The following FGGY variants were observed in gnomAD, a reference collection of about 807,000 sequenced individuals.
The protein encoded by FGGY is FGGY carbohydrate kinase domain containing.
FGGY carries 72 observed loss-of-function variants against 71.3 expected under a neutral mutation model. The ratio of observed to expected loss-of-function variants is 1.01; its 90% CI spans 0.84 to 1.23. FGGY has a LOEUF of 1.23. FGGY is among the 50% of genes most tolerant of loss of function. The pLI is 0.00. For synonymous variants in FGGY, 251 were observed against 250.3 expected (o/e 1.00, Z -0.02); for missense variants, 668 against 682.3 (o/e 0.98, Z 0.23).
chr1:59,585,571 A>G (rs1475993824), intron 8 of FGGY, among the ~76,000 whole-genome samples: 1 of 152,226 alleles, frequency 6.6e-6, no homozygotes, highest in Non-Finnish European at 1.5e-5. Flanking sequence ...AAAATCCTAG[A>G]AGAAAACCTA....
intron 14 of FGGY, among the ~76,000 whole-genome samples, chr1:59,747,230 A>T (rs1018667126): frequency 6.6e-6 from 1 of 152,226 alleles, no homozygotes; most frequent in African/African-American, 2.4e-5. Context: ...TGAGAAATCC[A>T]TAAGAAGTAA....
chr1:59,469,626 A>C (rs1410805686), intron 6 of FGGY, among the ~76,000 whole-genome samples: 1 of 152,062 alleles, frequency 6.6e-6, no homozygotes, highest in Non-Finnish European at 1.5e-5. Flanking sequence ...CAAGGGTAGA[A>C]GTGCAGTTTT....
intron 7 of FGGY, among the ~76,000 whole-genome samples, chr1:59,542,355 C>A (rs1159445681): frequency 6.6e-6 from 1 of 150,568 alleles, no homozygotes; most frequent in African/African-American, 2.4e-5. Flanking sequence ...GAATTGAATC[C>A]TTCTAAACAG....
chr1:59,603,473 G>C (rs866864864), intron 8 of FGGY, among the ~76,000 whole-genome samples: 6 of 152,290 alleles, frequency 3.9e-5, no homozygotes, highest in Middle Eastern at 6.8e-3. Context: ...ATTTCAAGGA[G>C]AGCTAACGTT....
At chr1:59,479,011 G>C (rs17483469) in intron 6 of FGGY, among the ~76,000 whole-genome samples, 1 of 152,174 alleles carries the variant, frequency 6.6e-6, no homozygotes, top group East Asian at 1.9e-4. Flanking sequence ...GATAAAAGTC[G>C]TACAGCAGCC....
Position 59,741,932 on chromosome 1 carries a change from C to G in FGGY, c.1513-15999C>G, listed in dbSNP as rs370590637. 2.0e-3 allele frequency among the ~76,000 whole-genome samples: 243 copies of G among 122,820 alleles called. 2 individuals carry two copies. Among genetic ancestry groups the G allele is most frequent in the African/African-American group, 6.9e-3 (230 of 33,244 alleles). The allele number at this position is 122,820 out of a possible 152,430, so 80.6% of individuals were successfully genotyped here. ...CCAGCCTGGGTGACAGAGTGAGACTCCATCTCAAAAAAAAAAAAAAAAAAA... is the reference window on the plus strand; with the variant it reads ...CCAGCCTGGGTGACAGAGTGAGACTGCATCTCAAAAAAAAAAAAAAAAAAA... On this transcript the variant is annotated intron_variant, in intron 14 of 15. Coordinates refer to ENST00000303721, the MANE Select transcript of FGGY (RefSeq NM_018291.5).
At chr1:59,559,749 G>A (rs549364959) in intron 8 of FGGY, among the ~76,000 whole-genome samples, 17 of 152,266 alleles carry the variant, frequency 1.1e-4, no homozygotes, top group Middle Eastern at 3.4e-3. Flanking sequence ...GTCACAGGGA[G>A]CCAACTGTGG....
intron 1 of FGGY, among the ~76,000 whole-genome samples, chr1:59,304,019 A>T (rs890563185): frequency 6.6e-6 from 1 of 152,010 alleles, no homozygotes; most frequent in African/African-American, 2.4e-5. Flanking sequence ...ATTTGTAAAT[A>T]TTTTCTCTTT....
intron 8 of FGGY, among the ~76,000 whole-genome samples, chr1:59,593,251 G>C (rs766558449): frequency 6.6e-6 from 1 of 152,174 alleles, no homozygotes; most frequent in Non-Finnish European, 1.5e-5. Flanking sequence ...TCCTTGAGAG[G>C]GTCCTCAGTG....
At chr1:59,463,683 GA>G (rs147453923) in intron 6 of FGGY, among the ~76,000 whole-genome samples, 3,557 of 131,876 alleles carry the variant, frequency 0.027, 115 homozygotes, top group African/African-American at 0.081. Context: ...CAAGCAAATG[GA>G]AAAAAAAAAA....
intron 10 of FGGY, among the ~76,000 whole-genome samples, chr1:59,634,570 G>A (rs2096938457): frequency 6.6e-6 from 1 of 152,084 alleles, no homozygotes; most frequent in African/African-American, 2.4e-5. Context: ...TGGGCAGCCT[G>A]TGAACCCATA....
intron 14 of FGGY, among the ~76,000 whole-genome samples, chr1:59,753,945 T>C (rs1375822199): frequency 6.6e-6 from 1 of 152,196 alleles, no homozygotes; most frequent in African/African-American, 2.4e-5. Flanking sequence ...TTGTGAGATG[T>C]AGCCAAAATT....
chr1:59,456,510 A>T (rs12093809), intron 5 of FGGY, among the ~76,000 whole-genome samples: 5,835 of 147,020 alleles, frequency 0.04, 374 homozygotes, highest in African/African-American at 0.14. Context: ...GTGCAGTGGC[A>T]CGATCTTGGC....
At chr1:59,428,364 T>A (rs1270695633) in intron 5 of FGGY, among the ~76,000 whole-genome samples, 1 of 152,162 alleles carries the variant, frequency 6.6e-6, no homozygotes, top group Non-Finnish European at 1.5e-5. Flanking sequence ...AGCTAATAGG[T>A]GATGGAGCTG....
chr1:59,673,449 G>T (rs1302106608), intron 13 of FGGY, among the ~76,000 whole-genome samples: 1 of 152,208 alleles, frequency 6.6e-6, no homozygotes, highest in Non-Finnish European at 1.5e-5. Flanking sequence ...GAGGATATCA[G>T]AGAGGGAGAA....
intron 8 of FGGY, among the ~76,000 whole-genome samples, chr1:59,564,274 A>G (rs1205655429): frequency 6.6e-6 from 1 of 152,168 alleles, no homozygotes; most frequent in Non-Finnish European, 1.5e-5. Flanking sequence ...TGGGAGAAAA[A>G]TTTTGCAGTA....
At chr1:59,734,097 T>C (rs770642066) in intron 14 of FGGY, among the ~76,000 whole-genome samples, 31 of 152,238 alleles carry the variant, frequency 2.0e-4, no homozygotes, top group Non-Finnish European at 3.7e-4. Flanking sequence ...TTCACTCTTA[T>C]CTGCTCCAAC....
intron 2 of FGGY, among the ~76,000 whole-genome samples, 181 bp from the exon 3 acceptor site, chr1:59,339,777 G>C (rs890741749): frequency 5.9e-5 from 9 of 151,976 alleles, no homozygotes; most frequent in African/African-American, 2.2e-4. Flanking sequence ...TTTCCAGTTA[G>C]TTTGGTTCTT....
intron 14 of FGGY, among the ~76,000 whole-genome samples, chr1:59,737,535 C>A (rs1192878841): frequency 6.6e-6 from 1 of 152,212 alleles, no homozygotes; most frequent in African/African-American, 2.4e-5. Context: ...CAAAGGAGAT[C>A]ATTTTGTAGT....
Sources: gnomAD v4.1 joint callset for allele counts (sites outside exome capture counted in the v4.1 genomes callset) on GRCh38, gnomAD v4.1.1 for gene constraint, MANE v1.5 for transcripts, NCBI Gene and HGNC (gene_info 2026-07-23, HGNC 2026-07-21) for gene names.